The following CHD1 variants were observed in gnomAD, a reference collection of about 807,000 sequenced individuals.
CHD1 encodes ATP-dependent chromatin remodeler CHD1.
A neutral mutation model predicts 224.2 loss-of-function variants in CHD1; 36 were observed. The observed-to-expected ratio is 0.16, with a 90% CI of 0.12 to 0.21. The LOEUF (loss-of-function observed/expected upper bound fraction) is 0.21. Among genes scored for constraint, CHD1 ranks in the 10% least tolerant of loss-of-function variants. The pLI is 1.00. For missense variants in CHD1, 1,378 were observed against 1,994.8 expected (o/e 0.69, Z 5.89); for synonymous variants, 668 against 658.3 (o/e 1.01, Z -0.23).
intron 2 of CHD1, among the ~76,000 whole-genome samples, chr5:98,911,146 A>AAAAATATATATATAT (rs1491111295): frequency 7.7e-5 from 3 of 39,128 alleles, no homozygotes; most frequent in African/African-American, 3.6e-4. Context: ...AAAAAAAAAA[A>AAAAATATATATATAT]ATATATATAT....
At chr5:98,900,757 C>T in intron 7 of CHD1, 54 bp downstream of exon 7, 1 of 1,509,242 alleles carries the variant, frequency 6.6e-7, no homozygotes, top group East Asian at 2.3e-5. Flanking sequence ...CAGCCCTCTA[C>T]TCCTGTAAAT....
intron 16 of CHD1, among the ~76,000 whole-genome samples, chr5:98,888,727 G>C (rs538150049): frequency 1.3e-5 from 2 of 152,182 alleles, no homozygotes; most frequent in Non-Finnish European, 2.9e-5. Flanking sequence ...TAAGATGTGA[G>C]GTCAAGATGT....
Position 98,859,026 on chromosome 5 carries a change from T to G in CHD1, c.4525-11A>C. On this transcript the variant is annotated splice_polypyrimidine_tract_variant and intron_variant, in intron 33 of 35. Transcript: ENST00000614616. ...TTGATCACTGTTTTGCTAAAATAAA[T>G]GCACACGTGTTAAGAATCTTTAGGT... The G allele has an allele frequency of 6.4e-7, 1 of 1,566,692 alleles. No individual in the cohort carries two copies. The highest frequency in any genetic ancestry group is 8.6e-7 in the Non-Finnish European group (1 of 1,164,314).
At chr5:98,890,710 CATA>C (rs1373345401) in intron 15 of CHD1, among the ~76,000 whole-genome samples, 5 of 152,082 alleles carry the variant, frequency 3.3e-5, no homozygotes, top group Admixed American at 6.6e-5. Context: ...ATACTCTTCT[CATA>C]ATTATTAATT....
chr5:98,856,801 C>T, intron 35 of CHD1, 76 bp from the exon 36 acceptor site: 1 of 918,562 alleles, frequency 1.1e-6, no homozygotes. Context: ...AACTAAAAAA[C>T]ATAAAAATAC....
In CHD1 at chr5:98,869,620, G is replaced by GCACA. The variant is rs758302613; in HGVS notation, c.4107+133_4107+134insTGTG. 8.2e-4 allele frequency: 616 copies of GCACA among 753,918 alleles called. 1 individual carries two copies. The highest frequency in any genetic ancestry group is 1.4e-3 in the South Asian group (81 of 56,010). 46.7% of individuals were successfully genotyped at this position (753,918 alleles called of 1,614,324 possible). A position where few individuals can be genotyped will look rare whatever the true frequency, so the allele number is the denominator to read the frequency against. On this transcript the variant is annotated intron_variant, in intron 30 of 35. Transcript: ENST00000614616. ...ACTATAAGTGCGTGCGCACGTGCGC[G>GCACA]CGCACACACACACACACACACACAC... is the stretch of plus-strand genomic sequence containing the variant.
At chr5:98,915,319 TA>T (rs1752668142) in intron 2 of CHD1, among the ~76,000 whole-genome samples, 1 of 152,230 alleles carries the variant, frequency 6.6e-6, no homozygotes, top group African/African-American at 2.4e-5. Flanking sequence ...AACTGTATTA[TA>T]AACTCTGCTT....
rs1230809503 is a variant in CHD1, at chr5:98,928,753, T to A, written c.-363A>T. 1 of 154,018 alleles carries A rather than the reference T, an allele frequency of 6.5e-6. No individual in the cohort carries two copies. Among genetic ancestry groups the A allele is most frequent in the Non-Finnish European group, 1.5e-5 (1 of 68,864 alleles). 9.5% of individuals were successfully genotyped at this position (154,018 alleles called of 1,614,324 possible). ...TCCCCTGCGGAGTGGAGCTAACAAT[T>A]CATTATTGAAGCACCAAGGGCGAGG... On this transcript the variant is annotated 5_prime_UTR_variant, in exon 1 of 36. Coordinates refer to ENST00000614616, the MANE Select transcript of CHD1 (RefSeq NM_001270.4).
intron 32 of CHD1, chr5:98,860,347 C>A: frequency 1.4e-5 from 5 of 345,184 alleles, no homozygotes; most frequent in South Asian, 2.6e-5. Context: ...TTGAAATGCA[C>A]CAAAGACATA....
intron 2 of CHD1, among the ~76,000 whole-genome samples, chr5:98,925,537 T>C (rs1158199818): frequency 6.6e-6 from 1 of 152,206 alleles, no homozygotes; most frequent in African/African-American, 2.4e-5. Context: ...TTGACTCCAG[T>C]GCCCACATTC....
At chr5:98,928,138 G>A (rs939060913) in intron 1 of CHD1, among the ~76,000 whole-genome samples, 6 of 152,018 alleles carry the variant, frequency 3.9e-5, no homozygotes, top group Admixed American at 3.9e-4. Flanking sequence ...ACTTCCCGCA[G>A]ACCCGCCCCG....
At chr5:98,880,244 GCTAA>G (rs1000805211) in intron 22 of CHD1, among the ~76,000 whole-genome samples, 1 of 152,094 alleles carries the variant, frequency 6.6e-6, no homozygotes, top group African/African-American at 2.4e-5. Context: ...ACCCATTAAG[GCTAA>G]CTATCACAGC....
chr5:98,884,991 C>CA (rs1750546480), intron 18 of CHD1, among the ~76,000 whole-genome samples: 1 of 152,074 alleles, frequency 6.6e-6, no homozygotes, highest in South Asian at 2.1e-4. Flanking sequence ...ATTGGCCTCC[C>CA]AAAGTGCTGG....
At chr5:98,924,209 C>T (rs1269181669) in intron 2 of CHD1, among the ~76,000 whole-genome samples, 1 of 151,890 alleles carries the variant, frequency 6.6e-6, no homozygotes, top group African/African-American at 2.4e-5. Context: ...TGAGACTACA[C>T]AACTGTACTC....
At chr5:98,908,791 A>G (rs1752207284) in intron 2 of CHD1, among the ~76,000 whole-genome samples, 1 of 109,182 alleles carries the variant, frequency 9.2e-6, no homozygotes, top group African/African-American at 5.5e-5. Flanking sequence ...TTCAGATAAT[A>G]CACCCACGGA....
chr5:98,922,468 A>G (rs913406277), intron 2 of CHD1, among the ~76,000 whole-genome samples: 3 of 152,216 alleles, frequency 2.0e-5, no homozygotes, highest in Non-Finnish European at 4.4e-5. Flanking sequence ...CCAGACAGAA[A>G]GAATAGTTAA....
At chr5:98,895,529 G>C (rs921622161) in intron 12 of CHD1, among the ~76,000 whole-genome samples, 2 of 152,076 alleles carry the variant, frequency 1.3e-5, no homozygotes, top group Admixed American at 1.3e-4. Context: ...AAGGCAGGTG[G>C]ATCACTTGAG....
rs1204583227 is a variant in CHD1 at position 98,898,262 on chromosome 5, A to C, written c.1359T>G (p.Asp453Glu). 6.7e-7 allele frequency: 1 copy of C among 1,500,860 alleles called. No homozygotes were observed. The highest frequency in any genetic ancestry group is 8.9e-7 in the Non-Finnish European group (1 of 1,125,278). The allele number at this position is 1,500,860 out of a possible 1,614,324, so 93.0% of individuals were successfully genotyped here. Residue 453 changes from aspartate to glutamate, a missense_variant, in exon 10 of 36, where the codon GAT (aspartate) becomes GAG (glutamate). Around this residue, in one of 16 missense-constraint regions of CHD1, gnomAD observed 86 missense variants for 97.7 expected, o/e 0.88. Transcript: ENST00000614616. ...RNQSKTTPFKDCKVLKQRPRF... is the reference protein window; with the variant it reads ...RNQSKTTPFKECKVLKQRPRF... ...AATGTTAGACAATACTCACTTTGCA[A>C]TCTTTAAAAGGAGTGGTTTTTGATT... is the stretch of plus-strand genomic sequence containing the variant.
intron 2 of CHD1, among the ~76,000 whole-genome samples, chr5:98,925,475 T>C (rs1337573719): frequency 2.0e-5 from 3 of 152,144 alleles, no homozygotes; most frequent in Non-Finnish European, 4.4e-5. Context: ...ATTAAGTAAT[T>C]TGCCCTAATT....
Sources: allele counts gnomAD v4.1 joint callset (sites outside exome capture counted in the v4.1 genomes callset), GRCh38; gene constraint gnomAD v4.1.1; regional missense constraint gnomAD v4.1.1; transcripts MANE v1.5; gene names NCBI Gene and HGNC (gene_info 2026-07-23, HGNC 2026-07-21).